MGAT4C: variants seen among roughly 807,000 people sequenced by gnomAD.
The protein encoded by MGAT4C is MGAT4 family member C.
In MGAT4C, 19 loss-of-function variants were observed where a neutral mutation model predicts 40.1. The observed-to-expected ratio is 0.47, with a 90% CI of 0.33 to 0.70. The LOEUF (loss-of-function observed/expected upper bound fraction) is 0.70. MGAT4C is among the 30% of genes least tolerant of loss of function. The probability of loss-of-function intolerance (pLI) is 0.02; values close to 1 mark genes in which losing one functional copy is unlikely to be tolerated. For synonymous variants in MGAT4C, 181 were observed against 187.1 expected (o/e 0.97, Z 0.27); for missense variants, 491 against 563.2 (o/e 0.87, Z 1.30).
In MGAT4C at chr12:86,080,119, C is replaced by T. The variant is rs1373858428; in HGVS notation, c.-56-30396G>A. ...GACCCATAGTGCCAGTGCTATGCTG[C>T]CATGCCATCTGTTTATCTCATTTTC... On this transcript the variant is annotated intron_variant, in intron 1 of 4. Coordinates refer to ENST00000611864, the MANE Select transcript of MGAT4C (RefSeq NM_001351288.2). Among the ~76,000 whole-genome samples, 10 of 152,230 alleles carry T rather than the reference C, an allele frequency of 6.6e-5. No individual in the cohort carries two copies. In the East Asian group the frequency reaches 1.9e-3, roughly 29 times the overall value.
chr12:86,516,466 A>G (rs1306151225), intron 2 of MGAT4C, among the ~76,000 whole-genome samples: 1 of 152,174 alleles, frequency 6.6e-6, no homozygotes, highest in Non-Finnish European at 1.5e-5. Flanking sequence ...CAAACAAACA[A>G]AAACTCAAAA....
intron 3 of MGAT4C, among the ~76,000 whole-genome samples, chr12:86,426,613 T>TC (rs1267149384): frequency 6.6e-6 from 1 of 151,948 alleles, no homozygotes; most frequent in Admixed American, 6.6e-5. Flanking sequence ...AAATGCATAC[T>TC]CCATTCAGTG....
At chr12:86,013,394 A>G (rs1888717976) in intron 2 of MGAT4C, among the ~76,000 whole-genome samples, 1 of 152,106 alleles carries the variant, frequency 6.6e-6, no homozygotes. Flanking sequence ...GGCGCCTGCC[A>G]CCACGCCCGG....
At chr12:86,619,716 A>C (rs887492342) in intron 2 of MGAT4C, among the ~76,000 whole-genome samples, 1 of 152,030 alleles carries the variant, frequency 6.6e-6, no homozygotes, top group Non-Finnish European at 1.5e-5. Context: ...CTCTTAGTAT[A>C]ATATATTTCA....
chr12:86,545,078 G>T (rs961585165), intron 2 of MGAT4C, among the ~76,000 whole-genome samples: 3 of 151,942 alleles, frequency 2.0e-5, no homozygotes, highest in African/African-American at 7.2e-5. Context: ...TCTCGCTATG[G>T]ATCTAAAGGG....
intron 1 of MGAT4C, among the ~76,000 whole-genome samples, chr12:86,795,054 T>C (rs1028295772): frequency 1.3e-5 from 2 of 152,094 alleles, no homozygotes; most frequent in South Asian, 2.1e-4. Context: ...TTAAAACTAA[T>C]TTATTATAAT....
chr12:86,265,882 T>C (rs1592616973), intron 4 of MGAT4C, among the ~76,000 whole-genome samples: 1 of 152,328 alleles, frequency 6.6e-6, no homozygotes, highest in South Asian at 2.1e-4. Flanking sequence ...CTTAGGTATT[T>C]ATATTTATTT....
At chr12:86,144,455 T>C (rs1263853930) in intron 1 of MGAT4C, among the ~76,000 whole-genome samples, 1 of 152,174 alleles carries the variant, frequency 6.6e-6, no homozygotes. Context: ...TAGAGACACA[T>C]TATTCTTCAG....
intron 1 of MGAT4C, among the ~76,000 whole-genome samples, chr12:86,052,313 T>C (rs7969308): frequency 0.8 from 121,445 of 151,462 alleles, 49,385 homozygotes; most frequent in East Asian, 0.97. Flanking sequence ...GAGATAGTAA[T>C]CTAAAAATTA....
intron 3 of MGAT4C, among the ~76,000 whole-genome samples, chr12:86,364,326 A>G (rs1051521200): frequency 2.6e-5 from 4 of 152,136 alleles, no homozygotes; most frequent in Admixed American, 2.6e-4. Flanking sequence ...AAAATATAAC[A>G]TGTTGTTGCA....
chr12:86,264,467 C>T (rs577321903), intron 4 of MGAT4C, among the ~76,000 whole-genome samples: 129 of 152,112 alleles, frequency 8.5e-4, no homozygotes, highest in Admixed American at 4.7e-3. Context: ...CGGGCTGCAG[C>T]GGGGGAGGCG....
Position 85,968,191 on chromosome 12 carries a change from T to C in MGAT4C, c.*11098A>G, listed in dbSNP as rs1883452937. On this transcript the variant is annotated 3_prime_UTR_variant, in exon 5 of 5. Transcript: ENST00000611864. ...AAAAAAGTCCACTGTGGAAAACTGA[T>C]AGTTTTTCTCCTTCTTTCTTGAATA... 6.6e-6 allele frequency: 1 copy of C among 152,070 alleles called. No individual in the cohort carries two copies. The highest frequency in any genetic ancestry group is 1.5e-5 in the Non-Finnish European group (1 of 67,956). 9.4% of individuals were successfully genotyped at this position (152,070 alleles called of 1,614,324 possible). A position where few individuals can be genotyped will look rare whatever the true frequency, so the allele number is the denominator to read the frequency against.
intron 2 of MGAT4C, among the ~76,000 whole-genome samples, chr12:86,566,576 GTA>G (rs1232171808): frequency 0.01 from 1,047 of 103,394 alleles, 6 homozygotes; most frequent in Non-Finnish European, 0.014. Flanking sequence ...ATATATATAT[GTA>G]TATGTATATA....
intron 2 of MGAT4C, among the ~76,000 whole-genome samples, chr12:85,996,755 A>G (rs185632092): frequency 1.3e-5 from 2 of 152,294 alleles, no homozygotes; most frequent in East Asian, 1.9e-4. Flanking sequence ...AACAAAACTG[A>G]CATAAGGGAA....
intron 4 of MGAT4C, among the ~76,000 whole-genome samples, chr12:86,315,539 A>G (rs927009092): frequency 3.3e-5 from 1 of 29,902 alleles, no homozygotes; most frequent in Non-Finnish European, 5.5e-5. Flanking sequence ...CGTCTCTACT[A>G]AAAATATAAA....
intron 2 of MGAT4C, among the ~76,000 whole-genome samples, chr12:86,623,929 G>T (rs1962718780): frequency 6.6e-6 from 1 of 152,090 alleles, no homozygotes; most frequent in Non-Finnish European, 1.5e-5. Context: ...AAGCAACCTA[G>T]CAGAAAATGG....
intron 1 of MGAT4C, among the ~76,000 whole-genome samples, chr12:86,224,032 A>C (rs1950982406): frequency 6.6e-6 from 1 of 152,184 alleles, no homozygotes; most frequent in Non-Finnish European, 1.5e-5. Flanking sequence ...CATTTAAGCA[A>C]GACAACTGGA....
intron 1 of MGAT4C, among the ~76,000 whole-genome samples, chr12:86,103,506 T>C (rs979052047): frequency 2.6e-5 from 4 of 152,176 alleles, no homozygotes; most frequent in African/African-American, 9.6e-5. Context: ...GAACAGATTA[T>C]TCTTCAGAGC....
chr12:86,394,760 C>G (rs2136231527), intron 3 of MGAT4C, among the ~76,000 whole-genome samples: 1 of 150,910 alleles, frequency 6.6e-6, no homozygotes, highest in Admixed American at 6.6e-5. Context: ...ACTGGGATTA[C>G]AGGATCACAC....
Sources: allele counts gnomAD v4.1 joint callset (sites outside exome capture counted in the v4.1 genomes callset), GRCh38; gene constraint gnomAD v4.1.1; transcripts MANE v1.5; gene names NCBI Gene and HGNC (gene_info 2026-07-23, HGNC 2026-07-21).